The following KLHL1 variants were observed in gnomAD, a reference collection of about 807,000 sequenced individuals.
The protein encoded by KLHL1 is kelch like family member 1.
Under a neutral mutation model 77.7 loss-of-function variants are expected in KLHL1, and 47 were observed. That is an observed-to-expected ratio of 0.60 (90% CI 0.48 to 0.77). KLHL1 has a LOEUF of 0.77. KLHL1 is among the 30% of genes least tolerant of loss of function. The pLI, the probability that KLHL1 is intolerant of heterozygous loss-of-function variation, is 0.00. For synonymous variants in KLHL1, 360 were observed against 325.2 expected (o/e 1.11, Z -1.15); for missense variants, 925 against 910.8 (o/e 1.02, Z -0.20).
chr13:69,896,479 C>T lies in KLHL1; in HGVS notation c.1015-13984G>A, dbSNP rs576314619. 5.1e-4 allele frequency among the ~76,000 whole-genome samples: 78 copies of T among 151,976 alleles called. No homozygotes were observed. The Middle Eastern group carries it at 0.014, about 27-fold the overall frequency. On this transcript the variant is annotated intron_variant, in intron 4 of 10. Coordinates refer to ENST00000377844, the MANE Select transcript of KLHL1 (RefSeq NM_020866.3). ...AGAATTTTTCATACCACAGTGTGCC[C>T]GCTTGTCAAATGTATCCATTTTTCA...
intron 9 of KLHL1, among the ~76,000 whole-genome samples, chr13:69,714,663 G>A (rs1411342879): frequency 6.6e-6 from 1 of 151,606 alleles, no homozygotes; most frequent in African/African-American, 2.4e-5. Flanking sequence ...GCAAATGATG[G>A]CTCACTGCAG....
chr13:70,046,219 G>GA (rs368679105), intron 1 of KLHL1, among the ~76,000 whole-genome samples: 153 of 146,090 alleles, frequency 1.0e-3, no homozygotes, highest in African/African-American at 2.6e-3. Flanking sequence ...ATAAGTGTGA[G>GA]AAAAAAAAAA....
chr13:70,035,825 A>G (rs1886224458), intron 1 of KLHL1, among the ~76,000 whole-genome samples: 2 of 152,034 alleles, frequency 1.3e-5, no homozygotes, highest in South Asian at 4.1e-4. Context: ...ACCAGGAATA[A>G]TGCTAACAAA....
chr13:70,005,958 C>T (rs558737156), intron 1 of KLHL1, among the ~76,000 whole-genome samples: 1 of 152,074 alleles, frequency 6.6e-6, no homozygotes, highest in Non-Finnish European at 1.5e-5. Flanking sequence ...ATCTCTAGAC[C>T]ATTTTCATCT....
At chr13:69,807,437 C>T (rs1009042039) in intron 6 of KLHL1, among the ~76,000 whole-genome samples, 1 of 151,964 alleles carries the variant, frequency 6.6e-6, no homozygotes, top group East Asian at 1.9e-4. Flanking sequence ...TACTTTTCTC[C>T]CTTCTCTGTT....
chr13:69,868,230 C>A (rs1223924804), intron 5 of KLHL1, among the ~76,000 whole-genome samples: 3 of 151,858 alleles, frequency 2.0e-5, no homozygotes, highest in Non-Finnish European at 4.4e-5. Flanking sequence ...ATGCAGAAAG[C>A]AGCATATTTA....
chr13:69,933,261 A>G (rs1013568485), intron 4 of KLHL1, among the ~76,000 whole-genome samples: 3 of 152,156 alleles, frequency 2.0e-5, no homozygotes, highest in Non-Finnish European at 2.9e-5. Context: ...TAAATAAAAG[A>G]AAAAAGATAA....
chr13:69,868,800 C>T (rs1282812787), intron 5 of KLHL1, among the ~76,000 whole-genome samples: 2 of 151,968 alleles, frequency 1.3e-5, no homozygotes, highest in South Asian at 2.1e-4. Context: ...TGATTTTACA[C>T]GTATCAGTGA....
At chr13:69,855,341 TAGATAGACAGAC>T (rs775224369) in intron 5 of KLHL1, among the ~76,000 whole-genome samples, 2,088 of 60,074 alleles carry the variant, frequency 0.035, 30 homozygotes, top group East Asian at 0.069. Context: ...GATAGATAGA[TAGATAGACAGAC>T]AGATAGATAC....
At chr13:70,070,098 G>T (rs1215201802) in intron 1 of KLHL1, among the ~76,000 whole-genome samples, 1 of 151,638 alleles carries the variant, frequency 6.6e-6, no homozygotes, top group Non-Finnish European at 1.5e-5. Context: ...AACCCAGGAG[G>T]CAGAGGTTGC....
Position 70,107,346 on chromosome 13 carries a change from A to T in KLHL1, c.354T>A (p.Thr118=). 6.2e-7 allele frequency: 1 copy of T among 1,613,980 alleles called. No individual in the cohort carries two copies. Among genetic ancestry groups the T allele is most frequent in the African/African-American group, 1.3e-5 (1 of 74,890 alleles). The change falls in exon 1 of 11, where the codon ACT becomes ACA. Residue 118 remains threonine, a synonymous_variant. Coordinates refer to ENST00000377844, the MANE Select transcript of KLHL1 (RefSeq NM_020866.3). ...PGQGTQQPAR[T]LFYVESLEEE... is the part of the protein sequence containing the mutation. ...CCTCTAGTGACTCCACGTAGAAGAG[A>T]GTCCTGGCTGGCTGCTGAGTGCCCT...
chr13:69,850,434 A>C (rs2138130409), intron 5 of KLHL1, among the ~76,000 whole-genome samples: 1 of 151,648 alleles, frequency 6.6e-6, no homozygotes, highest in East Asian at 1.9e-4. Context: ...TCAACCTCAC[A>C]TCCAAACAGT....
intron 7 of KLHL1, among the ~76,000 whole-genome samples, chr13:69,790,585 AAG>A (rs1876824721): frequency 1.3e-5 from 2 of 151,600 alleles, no homozygotes; most frequent in South Asian, 4.2e-4. Flanking sequence ...AAAATATAAA[AAG>A]AGTTCTACAC....
intron 4 of KLHL1, among the ~76,000 whole-genome samples, chr13:69,914,198 C>A (rs1372311040): frequency 6.6e-6 from 1 of 152,118 alleles, no homozygotes; most frequent in Non-Finnish European, 1.5e-5. Flanking sequence ...AATAAACTCC[C>A]CTTTATATAT....
At chr13:69,956,037 T>C (rs926933253) in intron 3 of KLHL1, among the ~76,000 whole-genome samples, 2 of 106,646 alleles carry the variant, frequency 1.9e-5, no homozygotes, top group African/African-American at 7.6e-5. Context: ...TATATATATT[T>C]ATATATATTT....
At chr13:69,887,248 CTGTTA>C (rs888614515) in intron 4 of KLHL1, among the ~76,000 whole-genome samples, 2 of 151,912 alleles carry the variant, frequency 1.3e-5, no homozygotes, top group African/African-American at 4.8e-5. Context: ...AATGTTTTTC[CTGTTA>C]TGTTATGTAC....
intron 6 of KLHL1, among the ~76,000 whole-genome samples, chr13:69,804,313 G>C (rs76629208): frequency 5.0e-4 from 76 of 151,996 alleles, no homozygotes; most frequent in Non-Finnish European, 1.0e-3. Context: ...TTTGTGGGGG[G>C]GGGAAATAGT....
chr13:69,884,623 T>C (rs967318322), intron 4 of KLHL1, among the ~76,000 whole-genome samples: 1 of 152,156 alleles, frequency 6.6e-6, no homozygotes, highest in African/African-American at 2.4e-5. Flanking sequence ...GTGGTATCTG[T>C]CATAAAGATA....
In KLHL1 at chr13:70,016,421, CCT is replaced by C. The variant is rs1885659046; in HGVS notation, c.498-40621_498-40620del. 2.0e-5 allele frequency among the ~76,000 whole-genome samples: 3 copies of C among 152,226 alleles called. No homozygotes were observed. In the South Asian group the frequency reaches 6.2e-4, roughly 31 times the overall value. ...CACTCTTGGGGGCCCAGGAAGACCC[CCT>C]GTCCCCGTAGGCTCGTAAGTGCCTG... On this transcript the variant is annotated intron_variant, in intron 1 of 10. Transcript: ENST00000377844.
Sources: allele counts gnomAD v4.1 joint callset (sites outside exome capture counted in the v4.1 genomes callset), GRCh38; gene constraint gnomAD v4.1.1; transcripts MANE v1.5; gene names NCBI Gene and HGNC (gene_info 2026-07-23, HGNC 2026-07-21).